Variants in ZC3H12B observed in about 807,000 individuals in gnomAD.
ZC3H12B encodes the protein probable ribonuclease ZC3H12B.
Under a neutral mutation model 43.9 loss-of-function variants are expected in ZC3H12B, and 7 were observed. The ratio of observed to expected loss-of-function variants is 0.16; its 90% CI spans 0.09 to 0.30. The LOEUF is 0.30. Ranked by LOEUF, ZC3H12B falls within the 10% of genes least tolerant of loss-of-function variation. The probability of loss-of-function intolerance (pLI) is 1.00; values close to 1 mark genes in which losing one functional copy is unlikely to be tolerated. For missense variants in ZC3H12B, 475 were observed against 670.2 expected (o/e 0.71, Z 3.22); for synonymous variants, 222 against 241.7 (o/e 0.92, Z 0.76).
chrX:65,418,470 G>A (rs1209223785), intron 3 of ZC3H12B, among the ~76,000 whole-genome samples: 1 of 111,515 alleles, frequency 9.0e-6, no homozygotes, highest in African/African-American at 3.3e-5. Context: ...GTAACTGAAT[G>A]GTAAAACCTA....
chrX:65,465,412 T>C, intron 3 of ZC3H12B, among the ~76,000 whole-genome samples: 1 of 111,451 alleles, frequency 9.0e-6, no homozygotes, highest in East Asian at 2.8e-4. Context: ...GATACTAGTA[T>C]AGCCATTCCA....
chrX:65,457,767 C>A (rs1279801489), intron 3 of ZC3H12B, among the ~76,000 whole-genome samples: 1 of 63,345 alleles, frequency 1.6e-5, no homozygotes, highest in Non-Finnish European at 2.6e-5. Context: ...TGACCTTATC[C>A]CCAACCCTGT....
the ZC3H12B span, among the ~76,000 whole-genome samples, chrX:65,312,947 T>C: frequency 8.0e-5 from 9 of 111,869 alleles, no homozygotes; most frequent in African/African-American, 9.8e-5. Flanking sequence ...AGTGGTGCAA[T>C]CTCAGCTCAC....
the ZC3H12B span, among the ~76,000 whole-genome samples, chrX:65,238,968 G>GT: frequency 5.4e-5 from 6 of 111,476 alleles, no homozygotes; most frequent in East Asian, 1.1e-3. Context: ...GATGTCAGGG[G>GT]TTTTTTTATT....
chrX:65,417,743 A>T (rs1029197773), intron 3 of ZC3H12B, among the ~76,000 whole-genome samples: 1 of 112,891 alleles, frequency 8.9e-6, no homozygotes, highest in African/African-American at 3.2e-5. Flanking sequence ...GCGTGGGCAA[A>T]GCCCTTTGTT....
the ZC3H12B span, among the ~76,000 whole-genome samples, chrX:65,235,526 G>A: frequency 9.0e-6 from 1 of 110,898 alleles, no homozygotes; most frequent in Admixed American, 9.6e-5. Flanking sequence ...CTCCCTCAGG[G>A]CCTGCTGGGC....
chrX:65,369,100 T>C (rs1439710733), intron 2 of ZC3H12B, 102 bp downstream of exon 4: 2 of 111,808 alleles, frequency 1.8e-5, no homozygotes, highest in Non-Finnish European at 3.8e-5. Flanking sequence ...GGCATTTTAT[T>C]TATAAGAAAG....
intron 3 of ZC3H12B, among the ~76,000 whole-genome samples, chrX:65,457,896 C>T (rs2067654102): frequency 1.6e-5 from 1 of 63,584 alleles, no homozygotes; most frequent in East Asian, 4.2e-4. Context: ...TCACCACTCC[C>T]TAATCTTAAG....
chrX:65,412,822 G>T lies in ZC3H12B; in HGVS notation n.407+14118G>T, dbSNP rs796264703. ...TAGCCCTAGAATTGTGAGATTTTAT[G>T]TAAATTCTGTTTTGTTTTGTTTTGT... On this transcript the variant is annotated intron_variant and non_coding_transcript_variant, in intron 3 of 5. Transcript: ENST00000617377. 2.3e-4 allele frequency among the ~76,000 whole-genome samples: 24 copies of T among 103,874 alleles called. No homozygotes were observed. The East Asian group carries it at 5.9e-3, about 26-fold the overall frequency. 90.2% of individuals were successfully genotyped at this position (103,874 alleles called of 115,157 possible).
chrX:65,388,217 A>G (rs1251800659), intron 2 of ZC3H12B, among the ~76,000 whole-genome samples: 2 of 111,984 alleles, frequency 1.8e-5, no homozygotes, highest in Admixed American at 9.5e-5. Flanking sequence ...CTTCTCCTGG[A>G]TAATATCCTG....
At chrX:65,154,165 T>G in the ZC3H12B span, among the ~76,000 whole-genome samples, 12 of 111,208 alleles carry the variant, frequency 1.1e-4, no homozygotes, top group Middle Eastern at 0.014. Context: ...CACCAACATG[T>G]CACATGTATA....
At chrX:65,327,963 A>G in the ZC3H12B span, 1 of 186,571 alleles carries the variant, frequency 5.4e-6, no homozygotes, top group African/African-American at 3.0e-5. Flanking sequence ...ACATAGATCC[A>G]AACATAACTG....
chrX:65,099,048 G>A, the ZC3H12B span, among the ~76,000 whole-genome samples: 8 of 111,376 alleles, frequency 7.2e-5, no homozygotes, highest in Non-Finnish European at 1.5e-4. Flanking sequence ...TGGTGGGGGA[G>A]GGGTGTCTGC....
chrX:65,461,474 G>T (rs1213450340), intron 3 of ZC3H12B, among the ~76,000 whole-genome samples: 2 of 112,095 alleles, frequency 1.8e-5, no homozygotes, highest in Non-Finnish European at 3.8e-5. Flanking sequence ...AATGATAGAC[G>T]GGATTAAGCA....
chrX:65,373,662 G>A (rs1250967628), intron 2 of ZC3H12B, among the ~76,000 whole-genome samples: 1 of 96,895 alleles, frequency 1.0e-5, no homozygotes, highest in Non-Finnish European at 2.0e-5. Context: ...AACACTGAAT[G>A]TTCTCACTCA....
At chrX:65,319,224 T>C in the ZC3H12B span, among the ~76,000 whole-genome samples, 1 of 110,258 alleles carries the variant, frequency 9.1e-6, no homozygotes. Flanking sequence ...ATAAACACAA[T>C]CAGAAATGAC....
At chrX:65,232,992 G>T in the ZC3H12B span, among the ~76,000 whole-genome samples, 1 of 111,911 alleles carries the variant, frequency 8.9e-6, no homozygotes, top group South Asian at 3.7e-4. Context: ...TATTAAAAAA[G>T]ACAAGGATGT....
At chrX:65,163,275 G>A in the ZC3H12B span, among the ~76,000 whole-genome samples, 260 of 111,431 alleles carry the variant, frequency 2.3e-3, 1 homozygote, top group Non-Finnish European at 3.6e-3. Flanking sequence ...GCTGCGTGAT[G>A]GGAGAACCAC....
At chrX:65,378,567 C>T (rs1432540062) in intron 2 of ZC3H12B, among the ~76,000 whole-genome samples, 1 of 112,163 alleles carries the variant, frequency 8.9e-6, no homozygotes, top group East Asian at 2.8e-4. Context: ...TACAAAACAA[C>T]CAGGAAACAC....
Sources: allele counts gnomAD v4.1 joint callset (sites outside exome capture counted in the v4.1 genomes callset), GRCh38; gene constraint gnomAD v4.1.1; transcripts MANE v1.5; gene names NCBI Gene and HGNC (gene_info 2026-07-23, HGNC 2026-07-21).